Variants in HECW1 observed in about 807,000 individuals in gnomAD.
HECW1 encodes the protein HECT, C2 and WW domain containing E3 ubiquitin protein ligase 1, also known as E3 ubiquitin-protein ligase HECW1.
In HECW1, 61 loss-of-function variants were observed where a neutral mutation model predicts 182.3. The ratio of observed to expected loss-of-function variants is 0.33; its 90% CI spans 0.27 to 0.41. HECW1 has a LOEUF of 0.41. Among genes scored for constraint, HECW1 ranks in the 10% least tolerant of loss-of-function variants. The pLI, the probability that HECW1 is intolerant of heterozygous loss-of-function variation, is 1.00. For missense variants in HECW1, 1,739 were observed against 2,108.9 expected, an observed-to-expected ratio of 0.82 and a Z score of 3.44; for synonymous variants, 859 against 832.6, an observed-to-expected ratio of 1.03 and a Z score of -0.55.
At chr7:43,368,018 A>C (rs1816855351) in intron 6 of HECW1, among the ~76,000 whole-genome samples, 1 of 152,176 alleles carries the variant, frequency 6.6e-6, no homozygotes, top group East Asian at 1.9e-4. Flanking sequence ...TGCTCAGAAC[A>C]GTTATTCTGG....
At chr7:43,501,183 CTTTTTTTT>C in intron 20 of HECW1, 22 bp from the exon 21 acceptor site, 17 of 744,736 alleles carry the variant, frequency 2.3e-5, no homozygotes, top group Non-Finnish European at 2.8e-5. Flanking sequence ...TCTTTTCTTT[CTTTTTTTT>C]TTTTTTTTTT....
chr7:43,424,374 C>T (rs2076288943), intron 8 of HECW1, among the ~76,000 whole-genome samples: 1 of 152,218 alleles, frequency 6.6e-6, no homozygotes, highest in Admixed American at 6.5e-5. Flanking sequence ...AATCCCAACA[C>T]TTTGGGAAGC....
At chr7:43,407,809 C>T in intron 8 of HECW1, 78 bp downstream of exon 8, 2 of 1,297,432 alleles carry the variant, frequency 1.5e-6, no homozygotes, top group Non-Finnish European at 2.2e-6. Flanking sequence ...CTCCTTCCCT[C>T]CATTCATGGA....
At chr7:43,234,704 G>T (rs1039602010) in intron 2 of HECW1, among the ~76,000 whole-genome samples, 1 of 152,072 alleles carries the variant, frequency 6.6e-6, no homozygotes, top group Admixed American at 6.5e-5. Flanking sequence ...TCTAACATGT[G>T]CAGTTTACTT....
Position 43,360,758 on chromosome 7 carries a change from G to A in HECW1, c.461-128G>A, listed in dbSNP as rs370847544. ...TTGAGGCCACATGAGGAGCATCATT[G>A]TCGAGTGTGGCCTGGCTTGCTCGTG... On this transcript the variant is annotated intron_variant, in intron 5 of 29. Transcript: ENST00000395891. 101 of 712,484 alleles carry A rather than the reference G, an allele frequency of 1.4e-4. 1 individual carries two copies. In the South Asian group the frequency reaches 1.6e-3, roughly 11 times the overall value. The allele number at this position is 712,484 out of a possible 1,614,324, so 44.1% of individuals were successfully genotyped here. A position where few individuals can be genotyped will look rare whatever the true frequency, so the allele number is the denominator to read the frequency against.
intron 2 of HECW1, among the ~76,000 whole-genome samples, chr7:43,168,843 C>T (rs1006261438): frequency 3.3e-5 from 5 of 152,082 alleles, no homozygotes; most frequent in Non-Finnish European, 5.9e-5. Context: ...TGTTAAAACA[C>T]TGACAAGATA....
chr7:43,195,228 G>C (rs1794334733), intron 2 of HECW1, among the ~76,000 whole-genome samples: 1 of 152,208 alleles, frequency 6.6e-6, no homozygotes, highest in Non-Finnish European at 1.5e-5. Flanking sequence ...TAATGGTATG[G>C]TGTTCATTAC....
At position 43,550,477 on chromosome 7, in the gene HECW1, C is replaced by T. The variant is rs774786159; in HGVS notation, c.4281C>T (p.Ala1427=). The T allele has an allele frequency of 5.0e-6, 8 of 1,614,006 alleles. No individual in the cohort carries two copies. The highest frequency in any genetic ancestry group is 5.9e-6 in the Non-Finnish European group (7 of 1,180,034). ...AAAGGGAGTTGAAGTCTGGAGGAGC[C>T]AACACACAGGTGACGGAGAAAAACA... ...VTERELKSGG[A]NTQVTEKNKK... The change falls in exon 27 of 30, where the codon GCC becomes GCT. Residue 1427 remains alanine (A), a synonymous_variant. Coordinates refer to ENST00000395891, the MANE Select transcript of HECW1 (RefSeq NM_015052.5).
intron 2 of HECW1, among the ~76,000 whole-genome samples, chr7:43,203,611 C>T (rs191170646): frequency 1.6e-3 from 250 of 152,264 alleles, no homozygotes; most frequent in African/African-American, 5.7e-3. Context: ...GCACCTGCCA[C>T]CATACCCGGC....
At chr7:43,389,690 G>A (rs2074943287) in intron 6 of HECW1, among the ~76,000 whole-genome samples, 1 of 152,058 alleles carries the variant, frequency 6.6e-6, no homozygotes, top group Admixed American at 6.5e-5. Context: ...ACCCAGGCTG[G>A]AGTGCAGTGG....
Position 43,508,354 on chromosome 7 carries a change from A to G in HECW1, c.3866+223A>G, listed in dbSNP as rs112449551. On this transcript the variant is annotated intron_variant, in intron 23 of 29. Transcript: ENST00000395891. ...AGATTATTGACATGCACAAGAGGAT[A>G]TGCCAACAATACAGTCCCAGGGCAC... Among the ~76,000 whole-genome samples, 9 of 152,302 alleles carry G rather than the reference A, an allele frequency of 5.9e-5. 1 individual carries two copies. The highest frequency in any genetic ancestry group is 2.2e-4 in the African/African-American group (9 of 41,564).
At chr7:43,539,730 C>T (rs960144527) in intron 24 of HECW1, among the ~76,000 whole-genome samples, 1 of 152,226 alleles carries the variant, frequency 6.6e-6, no homozygotes, top group African/African-American at 2.4e-5. Flanking sequence ...TGGATCATCT[C>T]GGTCATCTCG....
At chr7:43,205,680 C>T (rs769903602) in intron 2 of HECW1, among the ~76,000 whole-genome samples, 2 of 152,134 alleles carry the variant, frequency 1.3e-5, no homozygotes, top group Non-Finnish European at 2.9e-5. Context: ...GTGCAGTGGT[C>T]TCGTGACCAC....
At chr7:43,381,247 T>C (rs1429041241) in intron 6 of HECW1, among the ~76,000 whole-genome samples, 1 of 152,208 alleles carries the variant, frequency 6.6e-6, no homozygotes, top group Non-Finnish European at 1.5e-5. Flanking sequence ...TATAGTTCTT[T>C]GTTATATATC....
intron 2 of HECW1, among the ~76,000 whole-genome samples, chr7:43,218,546 G>A (rs1281861113): frequency 6.6e-6 from 1 of 152,194 alleles, no homozygotes. Flanking sequence ...CCTGGCCACA[G>A]TGTGCCTGTG....
At chr7:43,447,940 A>G (rs1021475528) in intron 11 of HECW1, among the ~76,000 whole-genome samples, 1 of 152,132 alleles carries the variant, frequency 6.6e-6, no homozygotes, top group African/African-American at 2.4e-5. Context: ...AGCCTGGCCA[A>G]CAGGGTGAAA....
At chr7:43,484,417 T>G (rs1409233884) in intron 17 of HECW1, 2 of 152,246 alleles carry the variant, frequency 1.3e-5, no homozygotes, top group Non-Finnish European at 2.9e-5. Flanking sequence ...ATCGATGGGT[T>G]ATTTCCATAA....
At chr7:43,427,900 C>T (rs1349394452) in intron 8 of HECW1, among the ~76,000 whole-genome samples, 1 of 152,042 alleles carries the variant, frequency 6.6e-6, no homozygotes, top group Non-Finnish European at 1.5e-5. Context: ...CAGACAGGGC[C>T]CAGTGTTTTT....
chr7:43,229,983 T>C (rs1266578643), intron 2 of HECW1, among the ~76,000 whole-genome samples: 2 of 152,034 alleles, frequency 1.3e-5, no homozygotes, highest in African/African-American at 4.8e-5. Context: ...GCATTGAGGG[T>C]TCATCGTGGC....
Sources: allele counts gnomAD v4.1 joint callset (sites outside exome capture counted in the v4.1 genomes callset), GRCh38; gene constraint gnomAD v4.1.1; transcripts MANE v1.5; gene names NCBI Gene and HGNC (gene_info 2026-07-23, HGNC 2026-07-21).